The following CLDN16 variants were observed in gnomAD, a reference collection of about 807,000 sequenced individuals.
CLDN16 encodes claudin 16.
Under a neutral mutation model 24.6 loss-of-function variants are expected in CLDN16, and 13 were observed. That is an observed-to-expected ratio of 0.53 (90% confidence interval 0.34 to 0.84). The LOEUF is 0.84. CLDN16 is among the 40% of genes least tolerant of loss of function. The pLI, the probability that CLDN16 is intolerant of heterozygous loss-of-function variation, is 0.01. For synonymous variants in CLDN16, 116 were observed against 106.7 expected (o/e 1.09, Z -0.54); for missense variants, 298 against 292.7 (o/e 1.02, Z -0.13).
intron 3 of CLDN16, among the ~76,000 whole-genome samples, chr3:190,406,485 G>A (rs575845935): frequency 1.3e-5 from 2 of 152,050 alleles, no homozygotes; most frequent in Non-Finnish European, 2.9e-5. Context: ...AAAACAAATA[G>A]CATTTAAAAA....
intron 1 of CLDN16, among the ~76,000 whole-genome samples, chr3:190,352,058 G>A (rs1189219936): frequency 2.7e-5 from 4 of 150,182 alleles, no homozygotes; most frequent in Non-Finnish European, 5.9e-5. Flanking sequence ...GGTAATTAAT[G>A]GTCTTAATTT....
intron 1 of CLDN16, among the ~76,000 whole-genome samples, chr3:190,392,580 A>T (rs1718708359): frequency 6.6e-6 from 1 of 152,168 alleles, no homozygotes; most frequent in African/African-American, 2.4e-5. Flanking sequence ...CACTATGATA[A>T]TGAAAACCCT....
chr3:190,363,169 T>C (rs867801032), intron 1 of CLDN16, among the ~76,000 whole-genome samples: 1 of 151,942 alleles, frequency 6.6e-6, no homozygotes, highest in Admixed American at 6.6e-5. Context: ...AGGTGATTTT[T>C]ATTGCCCTGT....
At chr3:190,372,158 T>G (rs1276427005) in intron 2 of CLDN16, among the ~76,000 whole-genome samples, 3 of 151,940 alleles carry the variant, frequency 2.0e-5, no homozygotes, top group African/African-American at 7.2e-5. Flanking sequence ...GAGTCTTGTA[T>G]TTGGACAGCA....
the CLDN16 span, among the ~76,000 whole-genome samples, chr3:190,311,153 T>C: frequency 6.6e-6 from 1 of 152,160 alleles, no homozygotes; most frequent in African/African-American, 2.4e-5. Context: ...GTCTTGAACT[T>C]GTGATGCTTA....
intron 1 of CLDN16, among the ~76,000 whole-genome samples, chr3:190,331,031 A>G (rs16865383): frequency 0.014 from 2,201 of 152,312 alleles, 56 homozygotes; most frequent in African/African-American, 0.048. Flanking sequence ...AGAAATAGAA[A>G]GAGGACAGAG....
chr3:190,405,428 GAA>G (rs542527344), intron 3 of CLDN16, among the ~76,000 whole-genome samples: 21 of 81,138 alleles, frequency 2.6e-4, no homozygotes, highest in Admixed American at 6.3e-4. Flanking sequence ...CCGTCTCACG[GAA>G]AAAAAAAAAA....
chr3:190,406,887 G>T (rs867643466), intron 3 of CLDN16, among the ~76,000 whole-genome samples: 3 of 151,718 alleles, frequency 2.0e-5, no homozygotes, highest in African/African-American at 7.3e-5. Context: ...GACTACAGGC[G>T]CCCACCACCA....
At chr3:190,337,979 C>T (rs1460427752) in intron 1 of CLDN16, among the ~76,000 whole-genome samples, 1 of 152,158 alleles carries the variant, frequency 6.6e-6, no homozygotes, top group Non-Finnish European at 1.5e-5. Flanking sequence ...GTAGTACCAT[C>T]TTGAAGATGA....
intron 2 of CLDN16, among the ~76,000 whole-genome samples, chr3:190,372,323 G>C (rs4616618): frequency 0.58 from 87,250 of 151,580 alleles, 25,393 homozygotes; most frequent in African/African-American, 0.65. Context: ...CTGAACTCCA[G>C]TTTCCTCACA....
At chr3:190,299,847 T>G in the CLDN16 span, among the ~76,000 whole-genome samples, 16,300 of 152,224 alleles carry the variant, frequency 0.11, 923 homozygotes, top group African/African-American at 0.15. Context: ...TCATTTCTCC[T>G]TTTTGCCTTA....
At chr3:190,406,902 T>C (rs938177183) in intron 3 of CLDN16, among the ~76,000 whole-genome samples, 1 of 151,898 alleles carries the variant, frequency 6.6e-6, no homozygotes, top group Non-Finnish European at 1.5e-5. Flanking sequence ...CCACCACGCC[T>C]GGCTACTTTT....
At chr3:190,400,341 C>T (rs1223864755) in intron 1 of CLDN16, among the ~76,000 whole-genome samples, 1 of 152,044 alleles carries the variant, frequency 6.6e-6, no homozygotes, top group Non-Finnish European at 1.5e-5. Context: ...GTGGTTCAAG[C>T]GATGCTCCTG....
chr3:190,308,143 T>G, the CLDN16 span: 1 of 1,035,986 alleles, frequency 9.7e-7, no homozygotes, highest in Non-Finnish European at 1.5e-6. Flanking sequence ...ATGGGTTTTT[T>G]GTTTGTTTGT....
At chr3:190,387,057 T>A (rs1246734666), upstream of CLDN16, among the ~76,000 whole-genome samples, 1 of 152,154 alleles carries the variant, frequency 6.6e-6, no homozygotes, top group Non-Finnish European at 1.5e-5. Flanking sequence ...CTCCTTTCTT[T>A]CTCTCCCTCC....
chr3:190,328,118 C>CAAA (rs60601809), intron 1 of CLDN16, among the ~76,000 whole-genome samples: 15 of 143,068 alleles, frequency 1.0e-4, no homozygotes, highest in African/African-American at 3.8e-4. Context: ...TCCATCTCTA[C>CAAA]AAAAAAAAAA....
intron 1 of CLDN16, among the ~76,000 whole-genome samples, chr3:190,339,832 A>G (rs145037797): frequency 0.014 from 2,058 of 152,308 alleles, 45 homozygotes; most frequent in Non-Finnish European, 0.015. Flanking sequence ...TAAATATTAT[A>G]CTAGAATTAT....
chr3:190,351,314 A>G (rs1324917595), intron 1 of CLDN16, among the ~76,000 whole-genome samples: 2 of 151,878 alleles, frequency 1.3e-5, no homozygotes, highest in Non-Finnish European at 2.9e-5. Flanking sequence ...CAGCAATGCA[A>G]AAGGAACTGA....
the CLDN16 span, among the ~76,000 whole-genome samples, chr3:190,300,805 T>C: frequency 6.6e-6 from 1 of 152,202 alleles, no homozygotes; most frequent in African/African-American, 2.4e-5. Flanking sequence ...GTTTGGTTTC[T>C]ATCACATTAA....
Sources: gnomAD v4.1 joint callset for allele counts (sites outside exome capture counted in the v4.1 genomes callset) on GRCh38, gnomAD v4.1.1 for gene constraint, MANE v1.5 for transcripts, NCBI Gene and HGNC (gene_info 2026-07-23, HGNC 2026-07-21) for gene names.